Variants in ZNF526 observed in about 807,000 individuals in gnomAD.
ZNF526 encodes zinc finger protein 526.
A neutral mutation model predicts 32.4 loss-of-function variants in ZNF526; 16 were observed. The ratio of observed to expected loss-of-function variants is 0.49; its 90% confidence interval spans 0.33 to 0.75. ZNF526 has a LOEUF of 0.75. Ranked by LOEUF, ZNF526 falls within the 30% of genes least tolerant of loss-of-function variation. ZNF526 has a pLI of 0.02. For missense variants in ZNF526, 838 were observed against 920.7 expected, an observed-to-expected ratio of 0.91 and a Z score of 1.16; for synonymous variants, 355 against 363.4, an observed-to-expected ratio of 0.98 and a Z score of 0.26.
Position 42,224,283 on chromosome 19 carries a change from T to G in ZNF526, c.-40T>G. 2.4e-6 allele frequency: 2 copies of G among 848,830 alleles called. No homozygotes were observed. The allele number at this position is 848,830 out of a possible 1,614,324, so 52.6% of individuals were successfully genotyped here. A position where few individuals can be genotyped will look rare whatever the true frequency, so the allele number is the denominator to read the frequency against. ...GAAGACTGAAGCAGAAACAGTGGAT[T>G]AAGACTTCCTGAGCGATAGCTGGTG... On this transcript the variant is annotated 5_prime_UTR_variant, in exon 2 of 3. In the 5' UTR this introduces an upstream ATG that the reference lacks. Coordinates refer to ENST00000301215, the MANE Select transcript of ZNF526 (RefSeq NM_133444.3).
At position 42,226,482 on chromosome 19, in the gene ZNF526, G is replaced by A. The variant is rs1227552601; in HGVS notation, c.*66G>A. The A allele has an allele frequency of 6.2e-7, 1 of 1,609,684 alleles. No individual in the cohort carries two copies. The highest frequency in any genetic ancestry group is 1.3e-5 in the African/African-American group (1 of 74,862). ...GCCAGTGTGGGTACCTCTGGGGAGA[G>A]AGGACCTCCTCTGACAAACTGGTCT... On this transcript the variant is annotated 3_prime_UTR_variant, in exon 3 of 3. Transcript: ENST00000301215.
chr19:42,224,190 G>A, intron 1 of ZNF526, 25 bp from the exon 2 acceptor site: 1 of 586,882 alleles, frequency 1.7e-6, no homozygotes, highest in East Asian at 2.9e-5. Flanking sequence ...AAGAGGCTGG[G>A]CTGAGTGGTG....
rs1030333382 is a variant in ZNF526 at position 42,225,953 on chromosome 19, G to A, written c.1550G>A (p.Arg517His). ...KTFASLANLS[R>H]HQLTHTGARP... ...TTTGCTTCTTTGGCCAACCTCAGCC[G>A]CCACCAGCTGACCCATACGGGTGCA... Residue 517 changes from arginine (R) to histidine (H), a missense_variant, in exon 3 of 3, where the codon CGC becomes CAC. Physicochemically the swap from Arg to His is conservative, Grantham distance 29. Coordinates refer to ENST00000301215, the MANE Select transcript of ZNF526 (RefSeq NM_133444.3). The A allele has an allele frequency of 1.9e-6, 3 of 1,613,924 alleles. No homozygotes were observed. The highest frequency in any genetic ancestry group is 2.5e-6 in the Non-Finnish European group (3 of 1,180,044).
chr19:42,220,977 A>G (rs928300430), intron 1 of ZNF526, among the ~76,000 whole-genome samples: 6 of 152,116 alleles, frequency 3.9e-5, no homozygotes, highest in Non-Finnish European at 7.4e-5. Context: ...TCCTTTGTGG[A>G]ATGGCTGTTG....
At chr19:42,224,044 G>A (rs11881547) in intron 1 of ZNF526, among the ~76,000 whole-genome samples, 171 bp from the exon 2 acceptor site, 24 of 144,092 alleles carry the variant, frequency 1.7e-4, no homozygotes, top group African/African-American at 4.8e-4. Context: ...CTGTAGTCCC[G>A]GCCACTCAGG....
rs771219936 is a variant in ZNF526, at chr19:42,226,458, C to T, written c.*42C>T. The T allele has an allele frequency of 3.2e-5, 51 of 1,613,534 alleles. No individual in the cohort carries two copies. The highest frequency in any genetic ancestry group is 4.2e-5 in the Non-Finnish European group (50 of 1,179,884). On this transcript the variant is annotated 3_prime_UTR_variant, in exon 3 of 3. Coordinates refer to ENST00000301215, the MANE Select transcript of ZNF526 (RefSeq NM_133444.3). Reference sequence around the variant, plus strand: ...CAACAAAAGGGTTTGGTTGCAACAGCCAGTGTGGGTACCTCTGGGGAGAGA... The same window carrying T: ...CAACAAAAGGGTTTGGTTGCAACAGTCAGTGTGGGTACCTCTGGGGAGAGA...
At position 42,224,456 on chromosome 19, in the gene ZNF526, G is replaced by A; in HGVS notation, c.53G>A (p.Gly18Glu). The A allele has an allele frequency of 6.2e-7, 1 of 1,614,180 alleles. No individual in the cohort carries two copies. Among genetic ancestry groups the A allele is most frequent in the Non-Finnish European group, 8.5e-7 (1 of 1,180,042 alleles). ...VAEMPTQMSP[G>E]AVEMSTPMSA... ...GAGATGCCAACACAGATGTCACCAG[G>A]GGCAGTGGAGATGTCAACACCTATG... The change falls in exon 3 of 3, where the codon GGG (glycine) becomes GAG (glutamate). Residue 18 changes from glycine to glutamate, a missense_variant. Transcript: ENST00000301215.
Position 42,227,421 on chromosome 19 carries a change from C to G in ZNF526, c.*1005C>G, listed in dbSNP as rs1310655010. The G allele has an allele frequency of 6.0e-6, 1 of 167,126 alleles. No homozygotes were observed. The highest frequency in any genetic ancestry group is 1.5e-5 in the Non-Finnish European group (1 of 68,136). The allele number at this position is 167,126 out of a possible 1,614,324, so 10.4% of individuals were successfully genotyped here. On this transcript the variant is annotated 3_prime_UTR_variant, in exon 3 of 3. Coordinates refer to ENST00000301215, the MANE Select transcript of ZNF526 (RefSeq NM_133444.3). ...CACTGTATGTGTACTATGATCCCAA[C>G]AGGCTTGTGACATAGATTTCATATT...
Position 42,226,473 on chromosome 19 carries a change from C to T in ZNF526, c.*57C>T, listed in dbSNP as rs947936778. 7.2e-5 allele frequency: 116 copies of T among 1,612,076 alleles called. 1 individual carries two copies. In the Middle Eastern group the frequency reaches 2.1e-3, roughly 30 times the overall value. ...GTTGCAACAGCCAGTGTGGGTACCT[C>T]TGGGGAGAGAGGACCTCCTCTGACA... On this transcript the variant is annotated 3_prime_UTR_variant, in exon 3 of 3. Transcript: ENST00000301215.
chr19:42,225,293 GCCCGGCAT>G lies in ZNF526; in HGVS notation c.892_899del (p.Pro298CysfsTer33). ...CGGCAACACCGGCGGACGGCTCACA[GCCCGGCAT>G]CTGCCACCCACCCCTTCCACTGCAG... On this transcript the variant is annotated frameshift_variant, in exon 3 of 3. Transcript: ENST00000301215. LOFTEE classifies it high-confidence loss of function. 6.2e-7 allele frequency: 1 copy of G among 1,612,588 alleles called. No individual in the cohort carries two copies. The highest frequency in any genetic ancestry group is 8.5e-7 in the Non-Finnish European group (1 of 1,179,026).
chr19:42,220,949 T>G (rs1403644821), intron 1 of ZNF526, among the ~76,000 whole-genome samples: 2 of 152,200 alleles, frequency 1.3e-5, no homozygotes, highest in Admixed American at 1.3e-4. Context: ...GGCCCCTGGT[T>G]GCCTACTTCC....
intron 1 of ZNF526, among the ~76,000 whole-genome samples, chr19:42,223,228 G>T (rs961666848): frequency 1.3e-5 from 2 of 152,244 alleles, no homozygotes; most frequent in East Asian, 3.8e-4. Context: ...GGCTGGCTGG[G>T]CCGGGTGTGG....
chr19:42,225,568 C>T lies in ZNF526; in HGVS notation c.1165C>T (p.Arg389Cys), dbSNP rs796975871. ...RRAHTANPLH[R>C]CRCGKTFSNM... Reference sequence around the variant, plus strand: ...GGCCCACACTGCCAACCCATTGCATCGCTGTCGTTGCGGCAAGACGTTCAG... The same window carrying T: ...GGCCCACACTGCCAACCCATTGCATTGCTGTCGTTGCGGCAAGACGTTCAG... Residue 389 changes from arginine (R) to cysteine (C), a missense_variant, in exon 3 of 3, where the codon CGC becomes TGC. Transcript: ENST00000301215. The T allele has an allele frequency of 4.4e-6, 7 of 1,608,952 alleles. No individual in the cohort carries two copies. The highest frequency in any genetic ancestry group is 1.1e-5 in the South Asian group (1 of 90,894).
intron 1 of ZNF526, among the ~76,000 whole-genome samples, chr19:42,221,919 C>T (rs2036128276): frequency 6.6e-6 from 1 of 152,076 alleles, no homozygotes; most frequent in African/African-American, 2.4e-5. Flanking sequence ...CCACCTTAGC[C>T]TCCCAAAGTG....
intron 1 of ZNF526, among the ~76,000 whole-genome samples, chr19:42,222,025 C>T (rs2036129633): frequency 6.6e-6 from 1 of 151,724 alleles, no homozygotes; most frequent in Admixed American, 6.6e-5. Context: ...TGGCACTGGA[C>T]GTGCTTCAGT....
At chr19:42,223,100 C>G (rs1218408524) in intron 1 of ZNF526, among the ~76,000 whole-genome samples, 2 of 152,144 alleles carry the variant, frequency 1.3e-5, no homozygotes, top group Non-Finnish European at 2.9e-5. Context: ...TTGGGTGTAT[C>G]TGTGTGTGTA....
In ZNF526 at chr19:42,225,007, T is replaced by C. The variant is rs1232621782; in HGVS notation, c.604T>C (p.Cys202Arg). 6.2e-7 allele frequency: 1 copy of C among 1,614,124 alleles called. No individual in the cohort carries two copies. The highest frequency in any genetic ancestry group is 1.7e-5 in the Admixed American group (1 of 60,018). Residue 202 changes from cysteine (C) to arginine (R), a missense_variant, in exon 3 of 3, where the codon TGC (cysteine) becomes CGC (arginine). By Grantham distance (180) the Cys-to-Arg change is radical. Transcript: ENST00000301215. ...GATGGAGCCCTATGAGTGTCCTGAG[T>C]GCTCTACCCTCTGCGCCACCCCTGA... Reference protein sequence around the residue: ...VKMEPYECPECSTLCATPEEF... With the variant: ...VKMEPYECPERSTLCATPEEF...
chr19:42,226,706 G>A lies in ZNF526; in HGVS notation c.*290G>A, dbSNP rs1163727130. 13 of 523,638 alleles carry A rather than the reference G, an allele frequency of 2.5e-5. No individual in the cohort carries two copies. Among genetic ancestry groups the A allele is most frequent in the Non-Finnish European group, 3.9e-5 (11 of 278,582 alleles). The allele number at this position is 523,638 out of a possible 1,614,324, so 32.4% of individuals were successfully genotyped here. A position where few individuals can be genotyped will look rare whatever the true frequency, so the allele number is the denominator to read the frequency against. On this transcript the variant is annotated 3_prime_UTR_variant, in exon 3 of 3. Transcript: ENST00000301215. Reference sequence around the variant, plus strand: ...AGGCCCTTTGCACTGCATCACCCTGGTGCCCAGCAACATCAGGTAACCTTC... The same window carrying A: ...AGGCCCTTTGCACTGCATCACCCTGATGCCCAGCAACATCAGGTAACCTTC...
At chr19:42,223,513 C>T (rs1174969386) in intron 1 of ZNF526, among the ~76,000 whole-genome samples, 3 of 152,080 alleles carry the variant, frequency 2.0e-5, no homozygotes, top group African/African-American at 7.2e-5. Flanking sequence ...TGGTTGCAGG[C>T]GCCTGTAGTC....
Sources: allele counts gnomAD v4.1 joint callset (sites outside exome capture counted in the v4.1 genomes callset), GRCh38; gene constraint gnomAD v4.1.1; transcripts MANE v1.5; gene names NCBI Gene and HGNC (gene_info 2026-07-23, HGNC 2026-07-21).